The following WWOX variants were observed in gnomAD, a reference collection of about 807,000 sequenced individuals.
WWOX encodes WW domain-containing oxidoreductase.
In WWOX, 69 loss-of-function variants were observed where a neutral mutation model predicts 46.2. The ratio of observed to expected loss-of-function variants is 1.49; its 90% confidence interval spans 1.23 to 1.82. The LOEUF is 1.82. Ranked by LOEUF, WWOX falls within the 40% of genes most tolerant of loss-of-function variation. The probability of loss-of-function intolerance (pLI) is 0.00; values close to 1 mark genes in which losing one functional copy is unlikely to be tolerated. For missense variants in WWOX, 919 were observed against 542.6 expected (o/e 1.69, Z -6.89); for synonymous variants, 359 against 202.6 (o/e 1.77, Z -6.56).
intron 8 of WWOX, among the ~76,000 whole-genome samples, chr16:79,032,811 T>C (rs1320224097): frequency 6.6e-6 from 1 of 151,556 alleles, no homozygotes; most frequent in Non-Finnish European, 1.5e-5. Context: ...TGCAGGTTTG[T>C]TATATAGGTA....
chr16:78,869,609 T>C (rs1478975654), intron 8 of WWOX, among the ~76,000 whole-genome samples: 2 of 152,260 alleles, frequency 1.3e-5, no homozygotes, highest in East Asian at 1.9e-4. Context: ...CATGGGCTCG[T>C]TGGGAAAGGG....
rs1227561854 is a variant in WWOX at position 78,682,683 on chromosome 16, G to A, written c.1056+249931G>A. 4.6e-5 allele frequency among the ~76,000 whole-genome samples: 7 copies of A among 152,066 alleles called. No homozygotes were observed. The East Asian group carries it at 1.4e-3, about 29-fold the overall frequency. On this transcript the variant is annotated intron_variant, in intron 8 of 8. Transcript: ENST00000566780. ...TGCTTGAGAAGTTTGAGATTGGCCT[G>A]GGAAATATAGCAAGATCCCAACCCT...
chr16:78,164,266 G>A lies in WWOX; in HGVS notation c.493G>A (p.Val165Met). 1.2e-6 allele frequency: 2 copies of A among 1,614,034 alleles called. No homozygotes were observed. The highest frequency in any genetic ancestry group is 1.7e-6 in the Non-Finnish European group (2 of 1,179,946). ...GAACATGGCAAGGGCGAGTGAAGCA[G>A]TGTCACGCATTTTAGAAGAATGGGT... ...CRNMARASEA[V>M]SRILEEWHKA... Residue 165 changes from valine to methionine, a missense_variant, in exon 5 of 9, where the codon GTG becomes ATG. By Grantham distance (21) the Val-to-Met change is conservative. Transcript: ENST00000566780.
chr16:78,432,347 C>T (rs1036549796), intron 7 of WWOX, 141 bp from the exon 8 acceptor site: 2 of 1,091,916 alleles, frequency 1.8e-6, no homozygotes, highest in Admixed American at 4.1e-5. Flanking sequence ...CTCAGGTGAT[C>T]CACTCGTCTA....
At chr16:78,352,554 TCTG>T (rs1462744658) in intron 5 of WWOX, among the ~76,000 whole-genome samples, 9 of 152,244 alleles carry the variant, frequency 5.9e-5, no homozygotes, top group Non-Finnish European at 1.3e-4. Context: ...TTCTCTCTCT[TCTG>T]CTTCTGCTTT....
intron 8 of WWOX, among the ~76,000 whole-genome samples, chr16:79,153,459 G>A (rs900078845): frequency 6.6e-6 from 1 of 152,126 alleles, no homozygotes; most frequent in Non-Finnish European, 1.5e-5. Flanking sequence ...CAAGTCATTT[G>A]GTTTACATCG....
chr16:78,211,036 C>A (rs1038997829), intron 5 of WWOX, among the ~76,000 whole-genome samples: 3 of 152,158 alleles, frequency 2.0e-5, no homozygotes, highest in African/African-American at 7.2e-5. Context: ...TAACTGGAGG[C>A]ATTTTTAGAA....
chr16:78,463,837 T>C (rs1229563562), intron 8 of WWOX, among the ~76,000 whole-genome samples: 1 of 152,174 alleles, frequency 6.6e-6, no homozygotes, highest in Non-Finnish European at 1.5e-5. Flanking sequence ...TGTTTGCAAA[T>C]GATCACCTGG....
intron 4 of WWOX, among the ~76,000 whole-genome samples, chr16:78,144,464 C>CGTATATATAT (rs1567596338): frequency 5.0e-4 from 9 of 17,962 alleles, no homozygotes; most frequent in East Asian, 3.0e-3. Context: ...TATATATATA[C>CGTATATATAT]ACACATATAT....
intron 8 of WWOX, among the ~76,000 whole-genome samples, chr16:79,054,909 T>C (rs2048234378): frequency 1.3e-5 from 2 of 152,216 alleles, no homozygotes; most frequent in South Asian, 2.1e-4. Flanking sequence ...TTTTAAGTTC[T>C]AGAATTAAAA....
At chr16:78,625,049 C>G (rs1411306746) in intron 8 of WWOX, among the ~76,000 whole-genome samples, 1 of 152,174 alleles carries the variant, frequency 6.6e-6, no homozygotes, top group African/African-American at 2.4e-5. Context: ...GAGGTGTCTT[C>G]CCTGGCACTC....
At chr16:78,829,187 T>A (rs1597684525) in intron 8 of WWOX, among the ~76,000 whole-genome samples, 1 of 151,826 alleles carries the variant, frequency 6.6e-6, no homozygotes, top group African/African-American at 2.4e-5. Context: ...CAGATAGAGA[T>A]TTTTAGGAAC....
chr16:78,814,850 C>G (rs1266907571), intron 8 of WWOX, among the ~76,000 whole-genome samples: 2 of 152,238 alleles, frequency 1.3e-5, no homozygotes, highest in Admixed American at 6.5e-5. Context: ...CAAAACCACC[C>G]TTGGGCTCTC....
chr16:78,386,510 G>C (rs934124885), intron 5 of WWOX, among the ~76,000 whole-genome samples: 1 of 152,068 alleles, frequency 6.6e-6, no homozygotes, highest in Non-Finnish European at 1.5e-5. Flanking sequence ...TGATCGAGGC[G>C]TTGTCGTGCA....
At chr16:78,502,001 A>T (rs1356848398) in intron 8 of WWOX, among the ~76,000 whole-genome samples, 1 of 152,128 alleles carries the variant, frequency 6.6e-6, no homozygotes, top group East Asian at 1.9e-4. Flanking sequence ...CCTGAGTCTT[A>T]TCCCCTTTGC....
intron 8 of WWOX, among the ~76,000 whole-genome samples, chr16:78,438,778 A>G (rs1452641964): frequency 6.6e-6 from 1 of 152,166 alleles, no homozygotes; most frequent in Non-Finnish European, 1.5e-5. Flanking sequence ...AAAGCCAGTC[A>G]TCGTGCTGAG....
chr16:78,156,228 T>A (rs1217494388), intron 4 of WWOX, among the ~76,000 whole-genome samples: 2 of 152,024 alleles, frequency 1.3e-5, no homozygotes, highest in African/African-American at 4.8e-5. Context: ...TCTTGTCAGA[T>A]GTGCCCTTTC....
At chr16:78,540,422 G>C (rs556092363) in intron 8 of WWOX, among the ~76,000 whole-genome samples, 1 of 152,274 alleles carries the variant, frequency 6.6e-6, no homozygotes, top group African/African-American at 2.4e-5. Flanking sequence ...CACATTTGCT[G>C]ATTGCAAATA....
intron 8 of WWOX, among the ~76,000 whole-genome samples, chr16:78,782,289 C>T (rs575601042): frequency 2.0e-5 from 3 of 152,192 alleles, no homozygotes; most frequent in Non-Finnish European, 4.4e-5. Flanking sequence ...TTCAGCTGCA[C>T]GAGCTTTTTC....
Sources: gnomAD v4.1 joint callset for allele counts (sites outside exome capture counted in the v4.1 genomes callset) on GRCh38, gnomAD v4.1.1 for gene constraint, MANE v1.5 for transcripts, NCBI Gene and HGNC (gene_info 2026-07-23, HGNC 2026-07-21) for gene names.